SEMA5A: variants seen among roughly 807,000 people sequenced by gnomAD.
SEMA5A encodes the protein semaphorin-5A.
A neutral mutation model predicts 135.5 loss-of-function variants in SEMA5A; 55 were observed. The ratio of observed to expected loss-of-function variants is 0.41; its 90% CI spans 0.33 to 0.51. The LOEUF is 0.51. Among genes scored for constraint, SEMA5A ranks in the 20% least tolerant of loss-of-function variants. The pLI is 0.37. For missense variants in SEMA5A, 1,290 were observed against 1,419.9 expected, an observed-to-expected ratio of 0.91 and a Z score of 1.47; for synonymous variants, 580 against 546.5, an observed-to-expected ratio of 1.06 and a Z score of -0.85.
At chr5:9,226,763 A>C in intron 7 of SEMA5A, 106 bp downstream of exon 7, 1 of 805,312 alleles carries the variant, frequency 1.2e-6, no homozygotes, top group South Asian at 1.7e-5. Context: ...TTAGAATTGA[A>C]CAGCAACACC....
At chr5:9,145,893 C>T (rs1472780089) in intron 12 of SEMA5A, among the ~76,000 whole-genome samples, 1 of 151,756 alleles carries the variant, frequency 6.6e-6, no homozygotes, top group South Asian at 2.1e-4. Flanking sequence ...AATCCACCCT[C>T]CTTGGCCTCC....
intron 3 of SEMA5A, among the ~76,000 whole-genome samples, chr5:9,343,923 C>A (rs781435810): frequency 6.6e-6 from 1 of 152,192 alleles, no homozygotes; most frequent in Non-Finnish European, 1.5e-5. Context: ...AGGCTTTCAA[C>A]CAACTTGGTT....
intron 13 of SEMA5A, among the ~76,000 whole-genome samples, chr5:9,125,493 C>T (rs906153985): frequency 4.6e-5 from 7 of 152,296 alleles, no homozygotes; most frequent in Admixed American, 6.5e-5. Flanking sequence ...CTCCCTCCCC[C>T]TCACAACCCA....
At chr5:9,351,778 A>G (rs898694117) in intron 3 of SEMA5A, among the ~76,000 whole-genome samples, 2 of 152,180 alleles carry the variant, frequency 1.3e-5, no homozygotes, top group African/African-American at 4.8e-5. Context: ...TGGTGTCCCC[A>G]TGGACTTCCA....
chr5:9,515,155 T>C lies in SEMA5A; in HGVS notation c.-175+30429A>G, dbSNP rs116902204. Among the ~76,000 whole-genome samples, 377 of 152,230 alleles carry C rather than the reference T, an allele frequency of 2.5e-3. 9 individuals carry two copies. The East Asian group carries it at 0.053, about 21-fold the overall frequency. The stretch of plus-strand genomic sequence containing the variant: ...TTTGGCAACTCAGTCCACTGTAGAG[T>C]ATTGGACATTTACCCTTGTGATCAA... On this transcript the variant is annotated intron_variant, in intron 1 of 22. Transcript: ENST00000382496.
At chr5:9,052,564 A>G (rs1736646842) in intron 19 of SEMA5A, among the ~76,000 whole-genome samples, 1 of 152,192 alleles carries the variant, frequency 6.6e-6, no homozygotes, top group Non-Finnish European at 1.5e-5. Context: ...TTTCTGTTAT[A>G]AAAACAATTC....
chr5:9,158,805 TG>T (rs1259682106), intron 11 of SEMA5A, among the ~76,000 whole-genome samples: 1 of 152,202 alleles, frequency 6.6e-6, no homozygotes, highest in African/African-American at 2.4e-5. Context: ...AGTGTTGATA[TG>T]GTTATTATTC....
At chr5:9,411,130 C>G (rs1757093044) in intron 2 of SEMA5A, among the ~76,000 whole-genome samples, 1 of 152,112 alleles carries the variant, frequency 6.6e-6, no homozygotes, top group East Asian at 1.9e-4. Flanking sequence ...AGTGGACCTA[C>G]CCCAGGCAAA....
intron 12 of SEMA5A, among the ~76,000 whole-genome samples, chr5:9,143,829 T>C (rs1280739472): frequency 1.3e-5 from 1 of 79,054 alleles, no homozygotes; most frequent in Admixed American, 1.2e-4. Flanking sequence ...TGGGCTTCAA[T>C]CATTGTAAAT....
At chr5:9,292,600 T>C (rs1359900741) in intron 5 of SEMA5A, among the ~76,000 whole-genome samples, 1 of 152,212 alleles carries the variant, frequency 6.6e-6, no homozygotes, top group Non-Finnish European at 1.5e-5. Context: ...TCTAAAATTC[T>C]TTCCAAGTTT....
chr5:9,112,904 A>G (rs1048852251), intron 15 of SEMA5A, among the ~76,000 whole-genome samples: 19 of 152,246 alleles, frequency 1.2e-4, no homozygotes, highest in African/African-American at 4.6e-4. Context: ...GCTTTGAGGA[A>G]GCAAGCAAAA....
rs145098072 is a variant in SEMA5A, at chr5:9,054,096, G to T, written c.2680C>A (p.Pro894Thr). The part of the protein sequence containing the change: ...HTEEALCNTQ[P>T]CPESWSEWSD... Reference sequence around the variant, plus strand: ...GTGAGGTGCCGCTTACCTGGGCAGGGCTGCGTGTTGCAGAGTGCCTCTTCT... The same window carrying T: ...GTGAGGTGCCGCTTACCTGGGCAGGTCTGCGTGTTGCAGAGTGCCTCTTCT... Residue 894 changes from proline to threonine, a missense_variant, in exon 19 of 23, where the codon CCC (proline) becomes ACC (threonine). By Grantham distance (38) the Pro-to-Thr change is conservative (BLOSUM62 -1). Transcript: ENST00000382496. The T allele has an allele frequency of 6.2e-7, 1 of 1,610,480 alleles. No individual in the cohort carries two copies. The highest frequency in any genetic ancestry group is 1.3e-5 in the African/African-American group (1 of 74,922).
At chr5:9,462,890 C>G (rs141654101) in intron 1 of SEMA5A, among the ~76,000 whole-genome samples, 1 of 151,588 alleles carries the variant, frequency 6.6e-6, no homozygotes, top group East Asian at 1.9e-4. Flanking sequence ...GGCTTAATAC[C>G]TGGGCAATGA....
intron 7 of SEMA5A, among the ~76,000 whole-genome samples, chr5:9,225,389 T>TAAAAAAAA (rs34806769): frequency 2.3e-5 from 1 of 43,084 alleles, no homozygotes; most frequent in African/African-American, 1.0e-4. Flanking sequence ...CCATCTCTAC[T>TAAAAAAAA]AAAAAAAAAA....
intron 18 of SEMA5A, among the ~76,000 whole-genome samples, chr5:9,059,277 T>C (rs528504401): frequency 1.3e-5 from 2 of 152,330 alleles, no homozygotes; most frequent in African/African-American, 4.8e-5. Context: ...CTGTTGTCTG[T>C]ACCTTTGTAG....
chr5:9,209,248 T>G lies in SEMA5A; in HGVS notation c.647-7008A>C, dbSNP rs1806057. 4.5e-4 allele frequency among the ~76,000 whole-genome samples: 69 copies of G among 152,350 alleles called. 2 individuals carry two copies. In the East Asian group the frequency reaches 7.7e-3, roughly 17 times the overall value. The stretch of plus-strand genomic sequence containing the variant: ...GTTCAAAGTGACAGACTTTAGTGTC[T>G]ACTCTGCTCTTATTCCATTCCAAGC... On this transcript the variant is annotated intron_variant, in intron 8 of 22. Transcript: ENST00000382496.
chr5:9,068,854 G>C (rs1737619320), intron 16 of SEMA5A, among the ~76,000 whole-genome samples: 1 of 152,204 alleles, frequency 6.6e-6, no homozygotes, highest in Non-Finnish European at 1.5e-5. Flanking sequence ...AGTGTTCTCA[G>C]CTAAAATGTA....
At chr5:9,144,340 T>C (rs1742215889) in intron 12 of SEMA5A, among the ~76,000 whole-genome samples, 1 of 152,228 alleles carries the variant, frequency 6.6e-6, no homozygotes, top group Non-Finnish European at 1.5e-5. Flanking sequence ...AGGTGTCAAG[T>C]AATACATTTT....
intron 11 of SEMA5A, among the ~76,000 whole-genome samples, chr5:9,176,283 A>T (rs1335349213): frequency 6.6e-6 from 1 of 152,144 alleles, no homozygotes; most frequent in Non-Finnish European, 1.5e-5. Context: ...TGGTCTTAGG[A>T]TGTGAAAGTA....
Sources: allele counts gnomAD v4.1 joint callset (sites outside exome capture counted in the v4.1 genomes callset), GRCh38; gene constraint gnomAD v4.1.1; transcripts MANE v1.5; gene names NCBI Gene and HGNC (gene_info 2026-07-23, HGNC 2026-07-21).